Variants in PGBD2 observed in about 807,000 individuals in gnomAD.
PGBD2 encodes the protein piggyBac transposable element-derived protein 2.
Under a neutral mutation model 8.1 loss-of-function variants are expected in PGBD2, and 6 were observed. The observed-to-expected ratio is 0.74, with a 90% confidence interval of 0.40 to 1.46. PGBD2 has a LOEUF of 1.46. PGBD2 is among the 40% of genes most tolerant of loss of function. The probability of loss-of-function intolerance (pLI) is 0.02; values close to 1 mark genes in which losing one functional copy is unlikely to be tolerated. For missense variants in PGBD2, 802 were observed against 739.0 expected (o/e 1.09, Z -0.99); for synonymous variants, 318 against 272.2 (o/e 1.17, Z -1.66).
chr1:248,902,200 C>T (rs1317578603), upstream of PGBD2, among the ~76,000 whole-genome samples: 8 of 150,250 alleles, frequency 5.3e-5, no homozygotes, highest in East Asian at 2.0e-4. Flanking sequence ...ACCCAGGAGG[C>T]GAAGGTTGCA....
chr1:248,907,063 A>G (rs1033164766), intron 1 of PGBD2, among the ~76,000 whole-genome samples: 14 of 152,172 alleles, frequency 9.2e-5, no homozygotes, highest in Admixed American at 1.3e-4. Context: ...GACTTGCACC[A>G]GCACCGGTCT....
the PGBD2 span, among the ~76,000 whole-genome samples, chr1:248,895,190 A>G: frequency 1.3e-5 from 2 of 152,172 alleles, no homozygotes; most frequent in East Asian, 3.9e-4. Flanking sequence ...CAACAGGCCA[A>G]TGTTTGGGAA....
At chr1:248,873,769 C>T in the PGBD2 span, among the ~76,000 whole-genome samples, 1 of 152,214 alleles carries the variant, frequency 6.6e-6, no homozygotes, top group Non-Finnish European at 1.5e-5. Context: ...GTAGGGTTCC[C>T]ACGGCCGCAA....
the PGBD2 span, among the ~76,000 whole-genome samples, chr1:248,876,121 G>A: frequency 0.071 from 10,712 of 151,574 alleles, 562 homozygotes; most frequent in East Asian, 0.2. Context: ...CGATTCTCCT[G>A]CCTCAGCCTC....
At chr1:248,919,733 A>G (rs954845937), downstream of PGBD2, 55 of 166,562 alleles carry the variant, frequency 3.3e-4, no homozygotes, top group Non-Finnish European at 2.9e-5. Flanking sequence ...CCTTTTCTCC[A>G]CATCCTTGCC....
the PGBD2 span, among the ~76,000 whole-genome samples, chr1:248,886,754 T>G: frequency 6.6e-6 from 1 of 152,018 alleles, no homozygotes; most frequent in East Asian, 1.9e-4. Context: ...TTGGCAGGAG[T>G]TGAGGGATCA....
intron 1 of PGBD2, among the ~76,000 whole-genome samples, chr1:248,909,432 T>C (rs752965522): frequency 2.6e-5 from 4 of 152,208 alleles, no homozygotes; most frequent in Non-Finnish European, 4.4e-5. Flanking sequence ...CTTCTGGTTC[T>C]TTTCTAAATA....
intron 1 of PGBD2, 98 bp from the exon 2 acceptor site, chr1:248,913,718 A>C (rs1367575055): frequency 5.5e-6 from 4 of 726,294 alleles, no homozygotes; most frequent in Non-Finnish European, 9.8e-6. Flanking sequence ...GGTGAATCTT[A>C]AGTCAAATAT....
At chr1:248,924,017 G>A (rs144538657), downstream of PGBD2, among the ~76,000 whole-genome samples, 1,304 of 152,348 alleles carry the variant, frequency 8.6e-3, 22 homozygotes, top group African/African-American at 0.028. Flanking sequence ...AAGCCGTGGA[G>A]CTTCTTGACA....
downstream of PGBD2, among the ~76,000 whole-genome samples, chr1:248,924,244 G>C (rs116632255): frequency 0.032 from 4,851 of 152,274 alleles, 250 homozygotes; most frequent in African/African-American, 0.11. Flanking sequence ...TTTCTTATGC[G>C]CTTTTTTTCT....
At chr1:248,908,108 C>A (rs1391044006) in intron 1 of PGBD2, among the ~76,000 whole-genome samples, 1 of 152,148 alleles carries the variant, frequency 6.6e-6, no homozygotes, top group Non-Finnish European at 1.5e-5. Context: ...CACCTACAGG[C>A]CTTATTCGAA....
chr1:248,898,390 A>G, the PGBD2 span, among the ~76,000 whole-genome samples: 13 of 152,162 alleles, frequency 8.5e-5, no homozygotes, highest in Non-Finnish European at 1.6e-4. Flanking sequence ...TCCTGACCTC[A>G]TGATCCGCCC....
Position 248,917,816 on chromosome 1 carries a change from G to C in PGBD2, c.1232G>C (p.Cys411Ser). 6.2e-7 allele frequency: 1 copy of C among 1,614,222 alleles called. No individual in the cohort carries two copies. The highest frequency in any genetic ancestry group is 1.1e-5 in the South Asian group (1 of 91,088). Residue 411 changes from cysteine (C) to serine (S), a missense_variant, in exon 3 of 3, where the codon TGC becomes TCC. Coordinates refer to ENST00000329291, the MANE Select transcript of PGBD2 (RefSeq NM_170725.3). ...GATGAGAGTGAGGAGATCATCGTGT[G>C]CCGCTGGCACGATAGCAGCGTGGTC... ...KVDESEEIIV[C>S]RWHDSSVVNI...
At chr1:248,928,986 A>G in the PGBD2 span, among the ~76,000 whole-genome samples, 6 of 152,224 alleles carry the variant, frequency 3.9e-5, no homozygotes, top group Admixed American at 3.9e-4. Context: ...TCTAACCTTC[A>G]AAAACCAAAC....
Position 248,906,307 on chromosome 1 carries a change from G to C in PGBD2, c.-83G>C, listed in dbSNP as rs1395063369. 1 of 152,092 alleles carries C rather than the reference G, an allele frequency of 6.6e-6. No homozygotes were observed. The highest frequency in any genetic ancestry group is 1.5e-5 in the Non-Finnish European group (1 of 68,042). The allele number at this position is 152,092 out of a possible 1,614,324, so 9.4% of individuals were successfully genotyped here. On this transcript the variant is annotated 5_prime_UTR_variant, in exon 1 of 3. Coordinates refer to ENST00000329291, the MANE Select transcript of PGBD2 (RefSeq NM_170725.3). ...CCGATTCGGCGCGGCTCATGGTCCGGTTCGGGCTCGCGAGTCTCCGTCTGG... is the reference window on the plus strand; with the variant it reads ...CCGATTCGGCGCGGCTCATGGTCCGCTTCGGGCTCGCGAGTCTCCGTCTGG...
At chr1:248,926,310 TAATA>T in the PGBD2 span, among the ~76,000 whole-genome samples, 195 of 152,308 alleles carry the variant, frequency 1.3e-3, 1 homozygote, top group African/African-American at 4.0e-3. Context: ...ACATTATTAT[TAATA>T]AATTATATTA....
At chr1:248,891,594 C>A in the PGBD2 span, among the ~76,000 whole-genome samples, 1 of 152,188 alleles carries the variant, frequency 6.6e-6, no homozygotes. Context: ...CTTTGGGAGG[C>A]TGAGGCAGGT....
chr1:248,888,984 A>T, the PGBD2 span, among the ~76,000 whole-genome samples: 2 of 152,178 alleles, frequency 1.3e-5, no homozygotes, highest in African/African-American at 4.8e-5. Context: ...CTATTTATTG[A>T]ATAGGGAGTC....
chr1:248,882,206 C>T, the PGBD2 span, among the ~76,000 whole-genome samples: 2 of 152,052 alleles, frequency 1.3e-5, no homozygotes, highest in Non-Finnish European at 2.9e-5. Flanking sequence ...CAAAAATGCA[C>T]GGGATATACC....
Sources: gnomAD v4.1 joint callset for allele counts (sites outside exome capture counted in the v4.1 genomes callset) on GRCh38, gnomAD v4.1.1 for gene constraint, MANE v1.5 for transcripts, NCBI Gene and HGNC (gene_info 2026-07-23, HGNC 2026-07-21) for gene names.